Variants in DNAJC1 observed in about 807,000 individuals in gnomAD.
DNAJC1 encodes dnaJ homolog subfamily C member 1.
In DNAJC1, 58 loss-of-function variants were observed where a neutral mutation model predicts 76.6. The ratio of observed to expected loss-of-function variants is 0.76; its 90% confidence interval spans 0.61 to 0.94. DNAJC1 has a LOEUF of 0.94. Ranked by LOEUF, DNAJC1 falls within the 40% of genes least tolerant of loss-of-function variation. The pLI, the probability that DNAJC1 is intolerant of heterozygous loss-of-function variation, is 0.00. For missense variants in DNAJC1, 689 were observed against 677.3 expected, an observed-to-expected ratio of 1.02 and a Z score of -0.19; for synonymous variants, 258 against 267.9, an observed-to-expected ratio of 0.96 and a Z score of 0.36.
chr10:21,756,628 A>G lies in DNAJC1; in HGVS notation c.*59T>C, dbSNP rs1834178246. On this transcript the variant is annotated 3_prime_UTR_variant, in exon 12 of 12. Coordinates refer to ENST00000376980, the MANE Select transcript of DNAJC1 (RefSeq NM_022365.4). ...TGAGGTACAAAATGCAAATTTCTGC[A>G]TAAGATTTTTAAGATATTCATTTTG... 3 of 1,360,476 alleles carry G rather than the reference A, an allele frequency of 2.2e-6. No homozygotes were observed. The highest frequency in any genetic ancestry group is 1.7e-5 in the Admixed American group (1 of 58,700). 84.3% of individuals were successfully genotyped at this position (1,360,476 alleles called of 1,614,324 possible). A position where few individuals can be genotyped will look rare whatever the true frequency, so the allele number is the denominator to read the frequency against.
chr10:21,937,661 G>GC (rs1837331381), intron 1 of DNAJC1, among the ~76,000 whole-genome samples: 1 of 152,038 alleles, frequency 6.6e-6, no homozygotes, highest in African/African-American at 2.4e-5. Flanking sequence ...AAGAGAATAC[G>GC]CATTTTTCTG....
intron 1 of DNAJC1, among the ~76,000 whole-genome samples, chr10:21,957,173 A>C (rs1012185812): frequency 2.6e-5 from 4 of 152,120 alleles, no homozygotes; most frequent in African/African-American, 9.7e-5. Context: ...TACAGGTGTG[A>C]GCCACTGCGC....
chr10:21,873,002 T>G (rs1291397625), intron 8 of DNAJC1, among the ~76,000 whole-genome samples: 1 of 152,232 alleles, frequency 6.6e-6, no homozygotes, highest in Non-Finnish European at 1.5e-5. Flanking sequence ...TAACCGGTTA[T>G]GTTATCTATA....
chr10:21,977,973 G>C (rs1470556613), intron 1 of DNAJC1, among the ~76,000 whole-genome samples: 1 of 152,066 alleles, frequency 6.6e-6, no homozygotes. Context: ...CCAATATTTA[G>C]ATGATATTTA....
intron 9 of DNAJC1, among the ~76,000 whole-genome samples, chr10:21,778,703 T>C (rs1210042150): frequency 6.6e-6 from 1 of 152,142 alleles, no homozygotes; most frequent in Non-Finnish European, 1.5e-5. Flanking sequence ...GCATTTCCAA[T>C]TGAGATACCA....
At chr10:21,882,072 T>C (rs1836290437) in intron 8 of DNAJC1, among the ~76,000 whole-genome samples, 1 of 152,126 alleles carries the variant, frequency 6.6e-6, no homozygotes, top group South Asian at 2.1e-4. Context: ...GCGAATGGCA[T>C]GAACCCGGGA....
chr10:21,790,951 T>A (rs1834678153), intron 9 of DNAJC1, among the ~76,000 whole-genome samples: 1 of 152,062 alleles, frequency 6.6e-6, no homozygotes, highest in South Asian at 2.1e-4. Flanking sequence ...TTTAAAAATA[T>A]GAGTCAACTA....
chr10:21,786,463 T>TAGAGAGAGAG (rs1159399044), intron 9 of DNAJC1, among the ~76,000 whole-genome samples: 15 of 23,416 alleles, frequency 6.4e-4, no homozygotes, highest in Non-Finnish European at 8.3e-4. Context: ...TATATATATA[T>TAGAGAGAGAG]AGAGAGAGAG....
At chr10:21,972,562 G>C (rs896639092) in intron 1 of DNAJC1, among the ~76,000 whole-genome samples, 1 of 151,886 alleles carries the variant, frequency 6.6e-6, no homozygotes, top group Non-Finnish European at 1.5e-5. Context: ...AAAAAAATTT[G>C]GCCTTGAAGA....
intron 7 of DNAJC1, among the ~76,000 whole-genome samples, chr10:21,900,055 T>C (rs894427851): frequency 1.3e-5 from 2 of 152,104 alleles, no homozygotes; most frequent in Admixed American, 6.6e-5. Flanking sequence ...GAAATTTTCT[T>C]CAATAGGCTG....
chr10:21,969,423 G>A (rs1189506817), intron 1 of DNAJC1, among the ~76,000 whole-genome samples: 1 of 152,084 alleles, frequency 6.6e-6, no homozygotes, highest in East Asian at 1.9e-4. Context: ...CAGCACCAGT[G>A]GTTCTTGATT....
At chr10:21,895,186 C>T (rs536651819) in intron 7 of DNAJC1, among the ~76,000 whole-genome samples, 114 of 152,242 alleles carry the variant, frequency 7.5e-4, no homozygotes, top group Non-Finnish European at 1.4e-3. Flanking sequence ...AAGCATTAAG[C>T]ATGTTTCCAG....
intron 8 of DNAJC1, among the ~76,000 whole-genome samples, chr10:21,825,676 G>C (rs1485466293): frequency 6.6e-6 from 1 of 152,164 alleles, no homozygotes. Flanking sequence ...TTTTCTCCAT[G>C]CCTTCACATT....
At chr10:21,887,590 A>G (rs1376573986) in intron 7 of DNAJC1, among the ~76,000 whole-genome samples, 1 of 152,150 alleles carries the variant, frequency 6.6e-6, no homozygotes, top group Non-Finnish European at 1.5e-5. Flanking sequence ...CTGCACACCT[A>G]TAACCATCTG....
intron 7 of DNAJC1, among the ~76,000 whole-genome samples, chr10:21,898,521 G>C (rs1836583768): frequency 6.8e-6 from 1 of 147,904 alleles, no homozygotes; most frequent in African/African-American, 2.5e-5. Context: ...AAATAAGCAT[G>C]TTATTAGGTT....
At chr10:21,778,013 C>T (rs1834475398) in intron 9 of DNAJC1, among the ~76,000 whole-genome samples, 1 of 152,116 alleles carries the variant, frequency 6.6e-6, no homozygotes, top group Non-Finnish European at 1.5e-5. Flanking sequence ...CATGGTGAAA[C>T]CACACCTCTA....
intron 8 of DNAJC1, among the ~76,000 whole-genome samples, chr10:21,817,327 CATAA>C (rs745591257): frequency 1.2e-4 from 18 of 152,172 alleles, no homozygotes; most frequent in Admixed American, 2.6e-4. Flanking sequence ...TTAAATTACA[CATAA>C]ATGTTTACAT....
At chr10:21,763,646 T>C (rs779711174) in intron 10 of DNAJC1, among the ~76,000 whole-genome samples, 5 of 152,022 alleles carry the variant, frequency 3.3e-5, no homozygotes, top group Non-Finnish European at 5.9e-5. Context: ...TTGAGGATCT[T>C]TAAATTCAAA....
chr10:21,871,555 T>TACA (rs1836104769), intron 8 of DNAJC1, among the ~76,000 whole-genome samples: 1 of 151,974 alleles, frequency 6.6e-6, no homozygotes, highest in South Asian at 2.1e-4. Context: ...AACAAACAAC[T>TACA]ACAACAAGCC....
Sources: gnomAD v4.1 joint callset for allele counts (sites outside exome capture counted in the v4.1 genomes callset) on GRCh38, gnomAD v4.1.1 for gene constraint, MANE v1.5 for transcripts, NCBI Gene and HGNC (gene_info 2026-07-23, HGNC 2026-07-21) for gene names.